SLC25A26: variants seen among roughly 807,000 people sequenced by gnomAD.
SLC25A26 encodes solute carrier family 25 member 26.
SLC25A26 carries 36 observed loss-of-function variants against 37.8 expected under a neutral mutation model. The ratio of observed to expected loss-of-function variants is 0.95; its 90% CI spans 0.73 to 1.26. SLC25A26 has a LOEUF of 1.26. Among genes scored for constraint, SLC25A26 ranks in the 50% most tolerant of loss-of-function variants. The pLI, the probability that SLC25A26 is intolerant of heterozygous loss-of-function variation, is 0.00. For missense variants in SLC25A26, 390 were observed against 331.1 expected (o/e 1.18, Z -1.38); for synonymous variants, 129 against 122.5 (o/e 1.05, Z -0.35).
chr3:66,263,721 C>T (rs1206234417), intron 5 of SLC25A26, among the ~76,000 whole-genome samples: 1 of 152,064 alleles, frequency 6.6e-6, no homozygotes, highest in Non-Finnish European at 1.5e-5. Context: ...TGCAGTGGCG[C>T]GATCTCGGCT....
At chr3:66,150,744 C>T (rs1168068571) in intron 1 of SLC25A26, among the ~76,000 whole-genome samples, 1 of 147,442 alleles carries the variant, frequency 6.8e-6, no homozygotes, top group African/African-American at 2.5e-5. Context: ...AGCTTGTCCC[C>T]TGGACTGGCT....
chr3:66,307,319 G>T (rs1341944538), intron 5 of SLC25A26, among the ~76,000 whole-genome samples: 2 of 152,148 alleles, frequency 1.3e-5, no homozygotes, highest in Non-Finnish European at 2.9e-5. Flanking sequence ...AGAAGTGTCT[G>T]TTAATATCCT....
At chr3:66,304,505 T>C (rs1047352522) in intron 5 of SLC25A26, 1 of 456,002 alleles carries the variant, frequency 2.2e-6, no homozygotes, top group African/African-American at 2.0e-5. Flanking sequence ...CTGTGAGTTG[T>C]TGTGTGTGGC....
At chr3:66,342,610 T>C (rs1431523132) in intron 5 of SLC25A26, among the ~76,000 whole-genome samples, 1 of 152,214 alleles carries the variant, frequency 6.6e-6, no homozygotes, top group Admixed American at 6.5e-5. Flanking sequence ...ATTCTAGTCC[T>C]ACACTTTGTG....
At chr3:66,264,267 C>G (rs1030580960) in intron 5 of SLC25A26, among the ~76,000 whole-genome samples, 3 of 151,634 alleles carry the variant, frequency 2.0e-5, no homozygotes, top group Non-Finnish European at 4.4e-5. Context: ...GCAACAAGAG[C>G]GACTCTGTCT....
chr3:66,319,471 A>C (rs961530370), intron 5 of SLC25A26, among the ~76,000 whole-genome samples: 3 of 152,190 alleles, frequency 2.0e-5, no homozygotes, highest in Non-Finnish European at 4.4e-5. Context: ...GACTGGGGGA[A>C]ACAAAATTAG....
chr3:66,365,039 A>C (rs946992898), intron 7 of SLC25A26, among the ~76,000 whole-genome samples: 8 of 152,234 alleles, frequency 5.3e-5, no homozygotes, highest in African/African-American at 1.9e-4. Context: ...TCTGAAGGAT[A>C]AACATCACTT....
At position 66,236,531 on chromosome 3, in the gene SLC25A26, T is replaced by C. The variant is rs1444210042; in HGVS notation, c.34-13T>C. On this transcript the variant is annotated splice_polypyrimidine_tract_variant and intron_variant, in intron 1 of 9. Coordinates refer to ENST00000354883, the MANE Select transcript of SLC25A26 (RefSeq NM_001379210.1). ...TTTTTTTTTTCTTTTTCTTCCCTCTTTTTTTTTCAAAGGCTGGTGGGGTAG... is the reference window on the plus strand; with the variant it reads ...TTTTTTTTTTCTTTTTCTTCCCTCTCTTTTTTTCAAAGGCTGGTGGGGTAG... The C allele has an allele frequency of 2.8e-6, 4 of 1,429,904 alleles. No individual in the cohort carries two copies. Among genetic ancestry groups the C allele is most frequent in the Non-Finnish European group, 3.7e-6 (4 of 1,086,086 alleles). The allele number at this position is 1,429,904 out of a possible 1,614,324, so 88.6% of individuals were successfully genotyped here.
chr3:66,235,573 G>C (rs781931329), intron 1 of SLC25A26, among the ~76,000 whole-genome samples: 2 of 152,154 alleles, frequency 1.3e-5, no homozygotes, highest in Non-Finnish European at 2.9e-5. Flanking sequence ...TTAAAATACA[G>C]ATCCAGATTC....
At chr3:66,314,443 G>A (rs114541136) in intron 5 of SLC25A26, among the ~76,000 whole-genome samples, 7,122 of 152,112 alleles carry the variant, frequency 0.047, 228 homozygotes, top group South Asian at 0.075. Flanking sequence ...TGTTGAACCA[G>A]CCGTGCATCC....
At chr3:66,155,311 A>G (rs1011337205) in intron 1 of SLC25A26, among the ~76,000 whole-genome samples, 1 of 152,168 alleles carries the variant, frequency 6.6e-6, no homozygotes, top group African/African-American at 2.4e-5. Context: ...GGAGTTCGAA[A>G]CTAGCCTGGG....
intron 1 of SLC25A26, among the ~76,000 whole-genome samples, chr3:66,172,006 T>C (rs2070506677): frequency 6.6e-6 from 1 of 152,148 alleles, no homozygotes; most frequent in Non-Finnish European, 1.5e-5. Context: ...GGTGACACAG[T>C]CTTATTCCAT....
At chr3:66,182,047 G>C (rs2070719549) in intron 1 of SLC25A26, among the ~76,000 whole-genome samples, 1 of 152,234 alleles carries the variant, frequency 6.6e-6, no homozygotes, top group Non-Finnish European at 1.5e-5. Flanking sequence ...ATTATAAATA[G>C]AGCCTTGACA....
intron 3 of SLC25A26, among the ~76,000 whole-genome samples, chr3:66,259,064 T>C (rs2073419079): frequency 6.6e-6 from 1 of 152,108 alleles, no homozygotes. Context: ...CTAACTCACC[T>C]GATTGTGGTC....
chr3:66,258,229 A>G (rs555838856), intron 3 of SLC25A26, among the ~76,000 whole-genome samples: 1 of 152,226 alleles, frequency 6.6e-6, no homozygotes, highest in Non-Finnish European at 1.5e-5. Flanking sequence ...AATCTGAGAA[A>G]AGGGAGGAGG....
chr3:66,289,841 C>G (rs1403275577), intron 5 of SLC25A26, among the ~76,000 whole-genome samples: 1 of 152,086 alleles, frequency 6.6e-6, no homozygotes, highest in African/African-American at 2.4e-5. Flanking sequence ...GTAGTTTTTT[C>G]TAATTCTGTG....
intron 2 of SLC25A26, among the ~76,000 whole-genome samples, chr3:66,239,087 G>A (rs1367362401): frequency 6.6e-6 from 1 of 152,142 alleles, no homozygotes; most frequent in East Asian, 1.9e-4. Flanking sequence ...CTTTCTGCTC[G>A]ATTGTCTGAT....
intron 5 of SLC25A26, among the ~76,000 whole-genome samples, chr3:66,294,896 T>C (rs1234359047): frequency 6.6e-6 from 1 of 152,218 alleles, no homozygotes; most frequent in Non-Finnish European, 1.5e-5. Flanking sequence ...CTCTTAGTTG[T>C]AGGATTACAT....
intron 5 of SLC25A26, among the ~76,000 whole-genome samples, chr3:66,330,864 C>G (rs930390823): frequency 6.6e-6 from 1 of 152,076 alleles, no homozygotes; most frequent in Non-Finnish European, 1.5e-5. Flanking sequence ...GAATCAGATC[C>G]AAGATAAACT....
Sources: allele counts gnomAD v4.1 joint callset (sites outside exome capture counted in the v4.1 genomes callset), GRCh38; gene constraint gnomAD v4.1.1; transcripts MANE v1.5; gene names NCBI Gene and HGNC (gene_info 2026-07-23, HGNC 2026-07-21).